MAP4K4: variants seen among roughly 807,000 people sequenced by gnomAD.
MAP4K4 encodes HPK/GCK-like kinase HGK.
A neutral mutation model predicts 189.6 loss-of-function variants in MAP4K4; 38 were observed. The observed-to-expected ratio is 0.20, with a 90% CI of 0.15 to 0.26. MAP4K4 has a LOEUF of 0.26. MAP4K4 is among the 10% of genes least tolerant of loss of function. The pLI is 1.00. For synonymous variants in MAP4K4, 610 were observed against 624.3 expected (o/e 0.98, Z 0.34); for missense variants, 1,054 against 1,726.9 (o/e 0.61, Z 6.91).
chr2:101,819,813 G>C (rs1178739731), intron 3 of MAP4K4, among the ~76,000 whole-genome samples: 1 of 152,194 alleles, frequency 6.6e-6, no homozygotes, highest in African/African-American at 2.4e-5. Context: ...ATGCAACTCA[G>C]TTTTGAAGAT....
intron 2 of MAP4K4, among the ~76,000 whole-genome samples, chr2:101,772,072 G>C (rs1237987521): frequency 6.6e-6 from 1 of 152,212 alleles, no homozygotes; most frequent in African/African-American, 2.4e-5. Context: ...TGATTGTTCT[G>C]CCAGGGTTCA....
chr2:101,869,870 T>A (rs2097928946), intron 22 of MAP4K4, 73 bp downstream of exon 22: 1 of 1,454,996 alleles, frequency 6.9e-7, no homozygotes, highest in Non-Finnish European at 9.1e-7. Flanking sequence ...GACCTAGTTG[T>A]TCCTAGACTA....
chr2:101,797,367 C>G, intron 3 of MAP4K4: 1 of 1,290,816 alleles, frequency 7.7e-7, no homozygotes, highest in Middle Eastern at 2.1e-4. Flanking sequence ...ACCACAGGAT[C>G]ATTCAACGTT....
chr2:101,875,666 G>A (rs1041569267), intron 26 of MAP4K4, among the ~76,000 whole-genome samples: 2 of 152,188 alleles, frequency 1.3e-5, no homozygotes, highest in African/African-American at 4.8e-5. Flanking sequence ...TATGACTGAG[G>A]AAATCAGTAC....
At chr2:101,708,866 T>G (rs1412732182) in intron 2 of MAP4K4, among the ~76,000 whole-genome samples, 1 of 152,224 alleles carries the variant, frequency 6.6e-6, no homozygotes. Context: ...CTACAACGTA[T>G]GGTCGCCTGT....
chr2:101,795,869 A>G (rs2093631162), intron 3 of MAP4K4, among the ~76,000 whole-genome samples: 1 of 152,196 alleles, frequency 6.6e-6, no homozygotes, highest in Non-Finnish European at 1.5e-5. Flanking sequence ...TTTTATGTTC[A>G]GTGAATATAA....
In MAP4K4 at chr2:101,848,394, G is replaced by A. The variant is rs1010318692; in HGVS notation, c.1233+4083G>A. Among the ~76,000 whole-genome samples, 18 of 152,194 alleles carry A rather than the reference G, an allele frequency of 1.2e-4. No homozygotes were observed. In the East Asian group the frequency reaches 2.5e-3, roughly 21 times the overall value. The stretch of plus-strand genomic sequence containing the variant: ...TGACTATTTGAGCCATAATTGGTTC[G>A]TAGCCCTTTATTGGCATTAAGGATT... On this transcript the variant is annotated intron_variant, in intron 12 of 32. Coordinates refer to ENST00000324219, the Ensembl canonical transcript of MAP4K4.
intron 2 of MAP4K4, among the ~76,000 whole-genome samples, chr2:101,734,821 T>G (rs999198890): frequency 6.6e-6 from 1 of 152,126 alleles, no homozygotes; most frequent in Non-Finnish European, 1.5e-5. Flanking sequence ...CATGCTGGCA[T>G]TTGGCTGGAG....
At chr2:101,828,860 G>A (rs149467312) in intron 5 of MAP4K4, among the ~76,000 whole-genome samples, 2 of 152,278 alleles carry the variant, frequency 1.3e-5, no homozygotes, top group African/African-American at 4.8e-5. Context: ...ACCACCTCTC[G>A]TAAGAGACAA....
exon 33 of MAP4K4, chr2:101,892,071 G>C (rs2098579437): frequency 7.0e-6 from 1 of 143,098 alleles, no homozygotes; most frequent in South Asian, 2.3e-4. Flanking sequence ...CCAGAACTTT[G>C]TCGTGTGACA....
chr2:101,768,116 CTAAGAA>C (rs1272453344), intron 2 of MAP4K4, among the ~76,000 whole-genome samples: 3 of 152,156 alleles, frequency 2.0e-5, no homozygotes, highest in Non-Finnish European at 4.4e-5. Flanking sequence ...AGCTGCCTCT[CTAAGAA>C]TATGATTATC....
intron 12 of MAP4K4, among the ~76,000 whole-genome samples, chr2:101,855,447 A>AGT (rs1407444721): frequency 2.0e-5 from 3 of 152,236 alleles, no homozygotes; most frequent in African/African-American, 7.2e-5. Context: ...CCAGGCACAT[A>AGT]GTAGTAAGCA....
intron 2 of MAP4K4, among the ~76,000 whole-genome samples, chr2:101,741,704 A>T (rs959702878): frequency 2.6e-5 from 4 of 152,212 alleles, no homozygotes; most frequent in African/African-American, 9.7e-5. Flanking sequence ...GAGGCTAAAA[A>T]CTTTGAGGAC....
At position 101,864,912 on chromosome 2, in the gene MAP4K4, T is replaced by C. The variant is rs140963600; in HGVS notation, c.2098-18T>C. The C allele has an allele frequency of 6.0e-4, 865 of 1,437,966 alleles. 19 individuals carry two copies. The East Asian group carries it at 0.016, about 26-fold the overall frequency. 89.1% of individuals were successfully genotyped at this position (1,437,966 alleles called of 1,614,324 possible). On this transcript the variant is annotated intron_variant, in intron 17 of 32. Coordinates refer to ENST00000324219, the Ensembl canonical transcript of MAP4K4. ...TTCATGTTTTCAATAATTTAATTGCTATATTTTCTACTTAAAGGTTCCTGT... is the reference window on the plus strand; with the variant it reads ...TTCATGTTTTCAATAATTTAATTGCCATATTTTCTACTTAAAGGTTCCTGT...
intron 2 of MAP4K4, among the ~76,000 whole-genome samples, chr2:101,735,500 A>G (rs955439978): frequency 7.2e-5 from 11 of 152,242 alleles, no homozygotes; most frequent in African/African-American, 2.6e-4. Context: ...GTAAGATCAT[A>G]TGAAAAAATC....
chr2:101,864,966 T>C (rs56048147), exon 18 of MAP4K4: 1 of 1,579,294 alleles, frequency 6.3e-7, no homozygotes, highest in South Asian at 1.2e-5. Context: ...CCCTGTTCTG[T>C]CCCGTCGAGA....
rs577333388 is a variant in MAP4K4, at chr2:101,716,421, C to T, written c.123+17883C>T. 2.6e-3 allele frequency among the ~76,000 whole-genome samples: 394 copies of T among 151,338 alleles called. 1 individual carries two copies. Among genetic ancestry groups the T allele is most frequent in the African/African-American group, 8.9e-3 (367 of 41,188 alleles). The stretch of plus-strand genomic sequence containing the variant: ...TTGTGTCATTGCACTCCAGCCTGGG[C>T]GACAGAGCGAGACTCTGTCTCAAAA... On this transcript the variant is annotated intron_variant, in intron 2 of 32. Transcript: ENST00000324219.
At chr2:101,848,798 C>T (rs1459963733) in intron 12 of MAP4K4, among the ~76,000 whole-genome samples, 2 of 152,190 alleles carry the variant, frequency 1.3e-5, no homozygotes, top group African/African-American at 4.8e-5. Context: ...TCTGCCTCCT[C>T]CTTGTCTCTT....
At position 101,867,070 on chromosome 2, in the gene MAP4K4, C is replaced by T. The variant is rs1000312280; in HGVS notation, c.2357-142C>T. The T allele has an allele frequency of 8.1e-6, 5 of 614,966 alleles. No homozygotes were observed. The African/African-American group carries it at 9.3e-5, about 11-fold the overall frequency. 38.1% of individuals were successfully genotyped at this position (614,966 alleles called of 1,614,324 possible). A position where few individuals can be genotyped will look rare whatever the true frequency, so the allele number is the denominator to read the frequency against. On this transcript the variant is annotated intron_variant, in intron 19 of 32. Transcript: ENST00000324219. ...TGCTGGAGCCCTCCTTGGGCCCCCT[C>T]TGCTCTGTAATTCAGACCTGCAGGT... is the stretch of plus-strand genomic sequence containing the variant.
Sources: allele counts gnomAD v4.1 joint callset (sites outside exome capture counted in the v4.1 genomes callset), GRCh38; gene constraint gnomAD v4.1.1; transcripts MANE v1.5; gene names NCBI Gene and HGNC (gene_info 2026-07-23, HGNC 2026-07-21).